The following RUVBL1 variants were observed in gnomAD, a reference collection of about 807,000 sequenced individuals.
RUVBL1 encodes the protein ruvB-like 1.
RUVBL1 carries 4 observed loss-of-function variants against 52.4 expected under a neutral mutation model. That is an observed-to-expected ratio of 0.08 (90% CI 0.04 to 0.17). RUVBL1 has a LOEUF of 0.17. Among genes scored for constraint, RUVBL1 ranks in the 10% least tolerant of loss-of-function variants. The pLI, the probability that RUVBL1 is intolerant of heterozygous loss-of-function variation, is 1.00. For missense variants in RUVBL1, 298 were observed against 572.8 expected (o/e 0.52, Z 4.90); for synonymous variants, 217 against 214.4 (o/e 1.01, Z -0.10).
At chr3:128,141,021 T>C (rs957245139) in intron 1 of RUVBL1, among the ~76,000 whole-genome samples, 1 of 152,226 alleles carries the variant, frequency 6.6e-6, no homozygotes, top group Non-Finnish European at 1.5e-5. Flanking sequence ...AAGCCTACTG[T>C]TGTTTTTATT....
intron 4 of RUVBL1, among the ~76,000 whole-genome samples, chr3:128,102,072 A>C (rs1338937366): frequency 1.3e-5 from 2 of 152,104 alleles, no homozygotes; most frequent in African/African-American, 4.8e-5. Flanking sequence ...CATCATCCCT[A>C]CTTCACTCCT....
upstream of RUVBL1, among the ~76,000 whole-genome samples, chr3:128,125,639 G>A (rs546012826): frequency 1.3e-5 from 2 of 152,312 alleles, no homozygotes; most frequent in South Asian, 4.1e-4. Flanking sequence ...GGCTTTTATA[G>A]GACTTGGTAA....
At chr3:128,066,993 C>T in intron 9 of RUVBL1, 1 of 1,614,200 alleles carries the variant, frequency 6.2e-7, no homozygotes, top group South Asian at 1.1e-5. Flanking sequence ...GGCCCGCTAC[C>T]GTGGCCAGTA....
At chr3:128,105,935 A>T (rs67674204) in intron 3 of RUVBL1, among the ~76,000 whole-genome samples, 20,973 of 144,592 alleles carry the variant, frequency 0.15, 1,677 homozygotes, top group African/African-American at 0.22. Flanking sequence ...AATGGTGCGA[A>T]CTTGGCTCAC....
At chr3:128,152,657 T>G (rs1394461726) in intron 1 of RUVBL1, among the ~76,000 whole-genome samples, 1 of 152,154 alleles carries the variant, frequency 6.6e-6, no homozygotes, top group African/African-American at 2.4e-5. Context: ...TGATTGGAAG[T>G]GTGTCCGGAG....
chr3:128,153,704 C>T (rs1002418646), exon 1 of RUVBL1: 1 of 1,588,056 alleles, frequency 6.3e-7, no homozygotes, highest in Non-Finnish European at 8.5e-7. Flanking sequence ...CGCCTGCGGT[C>T]GTCTTTGCCC....
intron 8 of RUVBL1, among the ~76,000 whole-genome samples, chr3:128,093,650 G>A (rs1942905496): frequency 6.6e-6 from 1 of 152,166 alleles, no homozygotes; most frequent in African/African-American, 2.4e-5. Context: ...TCAATATGAA[G>A]AGAAAATCTC....
intron 8 of RUVBL1, among the ~76,000 whole-genome samples, chr3:128,096,307 G>A (rs1158593898): frequency 1.3e-5 from 2 of 152,238 alleles, no homozygotes; most frequent in African/African-American, 2.4e-5. Context: ...ATGGGAAGAT[G>A]GGGTGTTCTC....
At position 128,067,265 on chromosome 3, in the gene RUVBL1, T is replaced by C. The variant is rs1398639591; in HGVS notation, c.940-2045A>G. ...CAAAGATATTTTCCATTGTGCCTTT[T>C]ACAAATTCAGCACATTAAATTATCT... On this transcript the variant is annotated intron_variant, in intron 9 of 9. Coordinates refer to the RUVBL1 transcript ENST00000464873. This position sits in a 1 kb window ranked among gnomAD's most constrained non-coding sequence, Gnocchi z 4.1. The C allele has an allele frequency of 3.0e-6, 4 of 1,328,728 alleles. No individual in the cohort carries two copies. The highest frequency in any genetic ancestry group is 4.2e-6 in the Non-Finnish European group (4 of 948,070). 82.3% of individuals were successfully genotyped at this position (1,328,728 alleles called of 1,614,324 possible).
intron 3 of RUVBL1, among the ~76,000 whole-genome samples, chr3:128,107,222 G>A (rs1458733553): frequency 2.0e-5 from 3 of 152,174 alleles, no homozygotes; most frequent in East Asian, 3.8e-4. Context: ...CGCCCTGGCT[G>A]TACCCAGACT....
chr3:128,123,255 C>T (rs1943696249), intron 1 of RUVBL1, among the ~76,000 whole-genome samples: 1 of 152,142 alleles, frequency 6.6e-6, no homozygotes, highest in African/African-American at 2.4e-5. Flanking sequence ...AAGCTCCTAT[C>T]TTAATTCCCG....
At chr3:128,126,671 A>G (rs192897777), upstream of RUVBL1, among the ~76,000 whole-genome samples, 24 of 152,244 alleles carry the variant, frequency 1.6e-4, no homozygotes, top group Non-Finnish European at 2.6e-4. Context: ...ACACAGATCC[A>G]GTGTGTAAAG....
At position 128,100,640 on chromosome 3, in the gene RUVBL1, T is replaced by C. The variant is rs1943090110; in HGVS notation, c.708A>G (p.Gln236=). The change falls in exon 6 of 11, where the codon CAA becomes CAG. Residue 236 remains glutamine (Q), a synonymous_variant. Coordinates refer to ENST00000322623, the MANE Select transcript of RUVBL1 (RefSeq NM_003707.3). ...CATCCAAGTCATGCAAGGTCACATC[T>C]TGGATGATTTCTTTCTTTTTGTGCA... ...GDVHKKKEII[Q]DVTLHDLDVA... is the part of the protein sequence containing the mutation. 4 of 1,613,478 alleles carry C rather than the reference T, an allele frequency of 2.5e-6. No homozygotes were observed. Among genetic ancestry groups the C allele is most frequent in the South Asian group, 2.2e-5 (2 of 90,942 alleles).
intron 9 of RUVBL1, among the ~76,000 whole-genome samples, chr3:128,071,971 G>A (rs1942180234): frequency 6.6e-6 from 1 of 152,256 alleles, no homozygotes; most frequent in African/African-American, 2.4e-5. Context: ...CAGGGCGCCT[G>A]CCACCCCGTG....
At chr3:128,096,331 G>T (rs570575788) in intron 8 of RUVBL1, among the ~76,000 whole-genome samples, 13 of 152,338 alleles carry the variant, frequency 8.5e-5, no homozygotes, top group Non-Finnish European at 1.8e-4. Context: ...GACCACGAGC[G>T]TGGAGAGTGC....
At chr3:128,122,405 G>C (rs571396824) in intron 1 of RUVBL1, among the ~76,000 whole-genome samples, 1 of 152,274 alleles carries the variant, frequency 6.6e-6, no homozygotes, top group East Asian at 1.9e-4. Context: ...AACTTTTTTT[G>C]TGTCTGAAAA....
Position 128,146,975 on chromosome 3 carries a change from A to C in RUVBL1, c.-40+6228T>G, listed in dbSNP as rs149281590. Among the ~76,000 whole-genome samples, 73 of 152,380 alleles carry C rather than the reference A, an allele frequency of 4.8e-4. No individual in the cohort carries two copies. In the East Asian group the frequency reaches 0.013, roughly 27 times the overall value. The stretch of plus-strand genomic sequence containing the variant: ...AGCTTCTGTAAGCAGAACAGGCTAT[A>C]GGAGAACAAGAGCAGATGCAGGGAG... On this transcript the variant is annotated intron_variant, in intron 1 of 9. Transcript: ENST00000464873.
chr3:128,068,135 A>G, intron 9 of RUVBL1: 1 of 1,082,698 alleles, frequency 9.2e-7, no homozygotes, highest in Non-Finnish European at 1.4e-6. Flanking sequence ...GCATCCTGAT[A>G]GGCCCTAGCA....
intron 8 of RUVBL1, among the ~76,000 whole-genome samples, chr3:128,090,025 T>C (rs982387256): frequency 1.3e-5 from 2 of 151,392 alleles, no homozygotes; most frequent in African/African-American, 4.9e-5. Flanking sequence ...TTTCTGTTTT[T>C]GAGGTGATGA....
Sources: gnomAD v4.1 joint callset for allele counts (sites outside exome capture counted in the v4.1 genomes callset) on GRCh38, gnomAD v4.1.1 for gene constraint, Gnocchi (gnomAD v3.1) non-coding constraint, MANE v1.5 for transcripts, NCBI Gene and HGNC (gene_info 2026-07-23, HGNC 2026-07-21) for gene names.